Variants in HTR2A observed in about 807,000 individuals in gnomAD.
HTR2A encodes 5-HT2 receptor.
HTR2A carries 14 observed loss-of-function variants against 31.0 expected under a neutral mutation model. That is an observed-to-expected ratio of 0.45 (90% CI 0.30 to 0.71). The LOEUF is 0.71. HTR2A is among the 30% of genes least tolerant of loss of function. The pLI is 0.09. For synonymous variants in HTR2A, 209 were observed against 225.2 expected, an observed-to-expected ratio of 0.93 and a Z score of 0.64; for missense variants, 442 against 573.3, an observed-to-expected ratio of 0.77 and a Z score of 2.34.
intron 3 of HTR2A, among the ~76,000 whole-genome samples, chr13:46,886,600 TA>T (rs1301694496): frequency 6.6e-6 from 1 of 152,078 alleles, no homozygotes; most frequent in African/African-American, 2.4e-5. Flanking sequence ...AGAGTAATAT[TA>T]GTACCACATA....
chr13:46,854,703 C>T (rs1950718251), intron 3 of HTR2A, among the ~76,000 whole-genome samples: 1 of 152,142 alleles, frequency 6.6e-6, no homozygotes, highest in Non-Finnish European at 1.5e-5. Flanking sequence ...GCAGAGACTC[C>T]TAGGCACAGA....
intron 3 of HTR2A, among the ~76,000 whole-genome samples, chr13:46,874,952 C>G (rs1020475411): frequency 6.6e-6 from 1 of 152,234 alleles, no homozygotes; most frequent in Non-Finnish European, 1.5e-5. Flanking sequence ...TTATTCCAGA[C>G]AGGATTGAAC....
intron 1 of HTR2A, 61 bp downstream of exon 1, chr13:46,896,613 C>T: frequency 8.0e-7 from 1 of 1,247,660 alleles, no homozygotes; most frequent in South Asian, 1.5e-5. Flanking sequence ...GTTGGCCAAG[C>T]ATGATTTCAA....
Position 46,852,968 on chromosome 13 carries a change from GC to G in HTR2A, c.614-17330del, listed in dbSNP as rs113000534. Among the ~76,000 whole-genome samples, 180 of 147,702 alleles carry G rather than the reference GC, an allele frequency of 1.2e-3. No individual in the cohort carries two copies. The East Asian group carries it at 0.018, about 15-fold the overall frequency. On this transcript the variant is annotated intron_variant, in intron 3 of 3. Transcript: ENST00000542664. ...TTGTCTGTCCTATAATAGTTCTAGG[GC>G]TTTTTTTTTTCCTATAAAGTTCCTG...
intron 3 of HTR2A, among the ~76,000 whole-genome samples, chr13:46,844,106 T>C (rs913728488): frequency 6.6e-6 from 1 of 152,200 alleles, no homozygotes; most frequent in African/African-American, 2.4e-5. Flanking sequence ...TTCAATATCT[T>C]AGAATTTTTC....
At chr13:46,877,300 G>A (rs1950922988) in intron 3 of HTR2A, among the ~76,000 whole-genome samples, 1 of 152,184 alleles carries the variant, frequency 6.6e-6, no homozygotes, top group African/African-American at 2.4e-5. Context: ...TGAAACGAAA[G>A]CTCACCAACT....
At chr13:46,850,647 T>G (rs750958991) in intron 3 of HTR2A, among the ~76,000 whole-genome samples, 1 of 152,204 alleles carries the variant, frequency 6.6e-6, no homozygotes. Context: ...GAGCCTGGAA[T>G]TCATGCAGTG....
In HTR2A at chr13:46,895,902, TC is replaced by T; in HGVS notation, c.4del (p.Asp2IlefsTer10). M[D>X]ILCEENTSLS... is the part of the protein sequence containing the mutation. ...AGAAGTATTTTCTTCACAAAGAATATCCATGTCTAAGCCAGAACTTGTAGCA... is the reference window on the plus strand; with the variant it reads ...AGAAGTATTTTCTTCACAAAGAATATCATGTCTAAGCCAGAACTTGTAGCA... On this transcript the variant is annotated frameshift_variant, in exon 2 of 4. Transcript: ENST00000542664. LOFTEE classifies it high-confidence loss of function. The surrounding 1 kb of genome is among the most constrained non-coding windows in gnomAD (Gnocchi z 4.4). The T allele has an allele frequency of 1.2e-6, 2 of 1,607,650 alleles. No individual in the cohort carries two copies. Among genetic ancestry groups the T allele is most frequent in the Non-Finnish European group, 1.7e-6 (2 of 1,176,724 alleles).
At chr13:46,850,376 CTAT>C (rs1358984074) in intron 3 of HTR2A, among the ~76,000 whole-genome samples, 5 of 152,160 alleles carry the variant, frequency 3.3e-5, no homozygotes, top group African/African-American at 7.2e-5. Context: ...TGAGTTTGTG[CTAT>C]TATTATCACT....
intron 3 of HTR2A, among the ~76,000 whole-genome samples, chr13:46,852,998 ATTC>A (rs148951485): frequency 0.026 from 3,989 of 151,504 alleles, 177 homozygotes; most frequent in African/African-American, 0.091. Context: ...GTTCCTGGTA[ATTC>A]TTATCTGATT....
rs148504198 is a variant in HTR2A at position 46,845,423 on chromosome 13, C to T, written c.614-9784G>A. On this transcript the variant is annotated intron_variant, in intron 3 of 3. Transcript: ENST00000542664. Reference sequence around the variant, plus strand: ...CTGTTGTCTGGTATGCAACTGTGAACTCAGGAGCAAGTGCACACATTGCTT... The same window carrying T: ...CTGTTGTCTGGTATGCAACTGTGAATTCAGGAGCAAGTGCACACATTGCTT... Among the ~76,000 whole-genome samples, 4 of 152,218 alleles carry T rather than the reference C, an allele frequency of 2.6e-5. No homozygotes were observed. In the East Asian group the frequency reaches 7.7e-4, roughly 29 times the overall value.
At chr13:46,864,344 T>G (rs1420911740) in intron 3 of HTR2A, among the ~76,000 whole-genome samples, 1 of 152,128 alleles carries the variant, frequency 6.6e-6, no homozygotes, top group Non-Finnish European at 1.5e-5. Context: ...ACAACAAACT[T>G]GTGCCATGAC....
At chr13:46,863,630 G>GAAAAAAA (rs59693757) in intron 3 of HTR2A, among the ~76,000 whole-genome samples, 12 of 59,252 alleles carry the variant, frequency 2.0e-4, no homozygotes, top group Admixed American at 2.6e-4. Context: ...CCCTCAAAAT[G>GAAAAAAA]AAAAAAAAAA....
chr13:46,837,593 G>A (rs1950570763), intron 3 of HTR2A, among the ~76,000 whole-genome samples: 2 of 152,140 alleles, frequency 1.3e-5, no homozygotes, highest in African/African-American at 4.8e-5. Flanking sequence ...CACCAGCCAA[G>A]AACACCGGTT....
At chr13:46,847,269 A>G (rs1299796390) in intron 3 of HTR2A, among the ~76,000 whole-genome samples, 1 of 152,068 alleles carries the variant, frequency 6.6e-6, no homozygotes, top group Non-Finnish European at 1.5e-5. Context: ...ACCCTTTTTC[A>G]ATTTCCCACT....
chr13:46,877,977 T>G (rs1203278820), intron 3 of HTR2A, among the ~76,000 whole-genome samples: 1 of 152,018 alleles, frequency 6.6e-6, no homozygotes, highest in Non-Finnish European at 1.5e-5. Flanking sequence ...GATGAGGCAA[T>G]ATACAGTAAG....
At chr13:46,889,271 G>T (rs1050660161) in intron 3 of HTR2A, among the ~76,000 whole-genome samples, 24 of 152,086 alleles carry the variant, frequency 1.6e-4, no homozygotes, top group African/African-American at 5.5e-4. Flanking sequence ...AATGATAAAA[G>T]AATCAATGTA....
At chr13:46,863,447 G>A (rs1046370977) in intron 3 of HTR2A, among the ~76,000 whole-genome samples, 9 of 150,656 alleles carry the variant, frequency 6.0e-5, no homozygotes, top group East Asian at 5.8e-4. Context: ...ACATAGCAGC[G>A]CCTCATCTCT....
At chr13:46,872,741 AAT>A (rs1950872817) in intron 3 of HTR2A, among the ~76,000 whole-genome samples, 1 of 152,222 alleles carries the variant, frequency 6.6e-6, no homozygotes, top group South Asian at 2.1e-4. Flanking sequence ...CATGCAGTAT[AAT>A]TCATGAGTAG....
Sources: gnomAD v4.1 joint callset for allele counts (sites outside exome capture counted in the v4.1 genomes callset) on GRCh38, gnomAD v4.1.1 for gene constraint, Gnocchi (gnomAD v3.1) non-coding constraint, MANE v1.5 for transcripts, NCBI Gene and HGNC (gene_info 2026-07-23, HGNC 2026-07-21) for gene names.